TBC1D9: variants seen among roughly 807,000 people sequenced by gnomAD.
TBC1D9 encodes the protein TBC1 domain family member 9A.
Under a neutral mutation model 132.0 loss-of-function variants are expected in TBC1D9, and 63 were observed. That is an observed-to-expected ratio of 0.48 (90% CI 0.39 to 0.59). TBC1D9 has a LOEUF of 0.59. Among genes scored for constraint, TBC1D9 ranks in the 20% least tolerant of loss-of-function variants. The pLI is 0.00. For synonymous variants in TBC1D9, 610 were observed against 609.9 expected (o/e 1.00, Z 0.00); for missense variants, 1,261 against 1,592.7 (o/e 0.79, Z 3.54).
intron 1 of TBC1D9, among the ~76,000 whole-genome samples, chr4:140,729,431 C>A (rs578038142): frequency 1.3e-5 from 2 of 152,212 alleles, no homozygotes. Context: ...CAGCAAAGGG[C>A]CCCATGGAGG....
In TBC1D9 at chr4:140,628,481, G is replaced by A. The variant is rs908256955; in HGVS notation, c.2747-116C>T. ...CATTCCAACCAAGACATTGTGTGGT[G>A]AAAGGCCTGGCCAGGACCTGTTTGG... is the stretch of plus-strand genomic sequence containing the variant. On this transcript the variant is annotated intron_variant, in intron 16 of 20. Transcript: ENST00000442267. The A allele has an allele frequency of 1.6e-5, 15 of 948,326 alleles. No homozygotes were observed. In the Admixed American group the frequency reaches 2.0e-4, roughly 13 times the overall value. The allele number at this position is 948,326 out of a possible 1,614,324, so 58.7% of individuals were successfully genotyped here.
intron 15 of TBC1D9, among the ~76,000 whole-genome samples, chr4:140,635,248 C>T (rs113229855): frequency 0.05 from 7,516 of 151,736 alleles, 620 homozygotes; most frequent in African/African-American, 0.17. Flanking sequence ...GGAGGCCAGG[C>T]GAGAGGATCG....
intron 5 of TBC1D9, among the ~76,000 whole-genome samples, chr4:140,677,658 T>A (rs905274729): frequency 6.6e-6 from 1 of 152,210 alleles, no homozygotes; most frequent in Non-Finnish European, 1.5e-5. Flanking sequence ...TTGCTCATCA[T>A]GTCAGTTGTT....
intron 1 of TBC1D9, among the ~76,000 whole-genome samples, chr4:140,727,766 T>C (rs1738523004): frequency 6.6e-6 from 1 of 150,804 alleles, no homozygotes; most frequent in Non-Finnish European, 1.5e-5. Flanking sequence ...AACAAGTGAA[T>C]AAATGAATGA....
chr4:140,640,750 C>A (rs1736974731), intron 13 of TBC1D9, among the ~76,000 whole-genome samples: 2 of 151,984 alleles, frequency 1.3e-5, no homozygotes, highest in Non-Finnish European at 2.9e-5. Context: ...TATAGTGCAA[C>A]CAAAACTCTT....
At chr4:140,661,411 G>A (rs1450056763) in intron 10 of TBC1D9, among the ~76,000 whole-genome samples, 1 of 152,194 alleles carries the variant, frequency 6.6e-6, no homozygotes, top group East Asian at 1.9e-4. Context: ...TTAAGAGGAT[G>A]CAAAGTAGCA....
intron 2 of TBC1D9, among the ~76,000 whole-genome samples, chr4:140,696,418 C>A (rs1193439952): frequency 3.1e-5 from 4 of 128,092 alleles, no homozygotes; most frequent in Non-Finnish European, 6.3e-5. Flanking sequence ...GATTGTGCCA[C>A]TGCACTCCAG....
rs1048074771 is a variant in TBC1D9 at position 140,621,004 on chromosome 4, G to T, written c.*1191C>A. 6.6e-6 allele frequency: 1 copy of T among 152,564 alleles called. No individual in the cohort carries two copies. The highest frequency in any genetic ancestry group is 2.4e-5 in the African/African-American group (1 of 41,446). The allele number at this position is 152,564 out of a possible 1,614,324, so 9.5% of individuals were successfully genotyped here. Reference sequence around the variant, plus strand: ...ATGATTATGAATTCAACAATCAGAAGAAAAAATCGTCCAACATCTGTAAAA... The same window carrying T: ...ATGATTATGAATTCAACAATCAGAATAAAAAATCGTCCAACATCTGTAAAA... On this transcript the variant is annotated 3_prime_UTR_variant, in exon 21 of 21. Transcript: ENST00000442267.
intron 13 of TBC1D9, among the ~76,000 whole-genome samples, chr4:140,641,610 GGTGA>G (rs1560869848): frequency 2.6e-5 from 4 of 152,068 alleles, no homozygotes; most frequent in Admixed American, 2.0e-4. Context: ...GGGCAGAAAA[GGTGA>G]GTATGGGGGT....
chr4:140,686,443 G>A lies in TBC1D9; in HGVS notation c.261C>T (p.Ile87=). 1 of 1,608,190 alleles carries A rather than the reference G, an allele frequency of 6.2e-7. No individual in the cohort carries two copies. The highest frequency in any genetic ancestry group is 8.5e-7 in the Non-Finnish European group (1 of 1,175,958). ...TIACGGSRKE[I]TEHWEWLEQN... ...GCTCAAGCCATTCCCAGTGTTCAGT[G>A]ATTTCTTTCCTGGAACCACCTGTAC... is the stretch of plus-strand genomic sequence containing the variant. The change falls in exon 3 of 21, where the codon ATC becomes ATT. Residue 87 remains isoleucine (I), a synonymous_variant. Coordinates refer to ENST00000442267, the MANE Select transcript of TBC1D9 (RefSeq NM_015130.3).
chr4:140,659,758 C>T (rs1410638478), intron 10 of TBC1D9, 53 bp from the exon 11 acceptor site: 2 of 1,229,998 alleles, frequency 1.6e-6, no homozygotes, highest in Non-Finnish European at 2.3e-6. Flanking sequence ...ATAAGCAATT[C>T]TGTTAGCATA....
At chr4:140,666,161 T>A (rs1737440627) in intron 9 of TBC1D9, among the ~76,000 whole-genome samples, 2 of 152,160 alleles carry the variant, frequency 1.3e-5, no homozygotes, top group African/African-American at 4.8e-5. Flanking sequence ...TATGATATGG[T>A]GGAACCTTGA....
intron 13 of TBC1D9, chr4:140,642,849 T>C (rs746986637): frequency 2.1e-4 from 120 of 574,612 alleles, no homozygotes; most frequent in Non-Finnish European, 3.2e-4. Context: ...CTCGGGGGCG[T>C]GGGTCTGTTT....
intron 1 of TBC1D9, among the ~76,000 whole-genome samples, chr4:140,720,069 A>G (rs896752379): frequency 5.9e-5 from 9 of 152,222 alleles, no homozygotes; most frequent in Middle Eastern, 3.2e-3. Flanking sequence ...ACATGAACCA[A>G]TTTTGCACAG....
At chr4:140,649,932 A>G (rs1737162106) in intron 13 of TBC1D9, among the ~76,000 whole-genome samples, 1 of 152,188 alleles carries the variant, frequency 6.6e-6, no homozygotes, top group African/African-American at 2.4e-5. Context: ...CCCATATTTT[A>G]TATTTGAATA....
rs747392524 is a variant in TBC1D9, at chr4:140,640,359, A to C, written c.2338-931T>G. 6.4e-5 allele frequency among the ~76,000 whole-genome samples: 9 copies of C among 141,682 alleles called. No homozygotes were observed. The Admixed American group carries it at 7.1e-4, about 11-fold the overall frequency. 92.9% of individuals were successfully genotyped at this position (141,682 alleles called of 152,430 possible). A position where few individuals can be genotyped will look rare whatever the true frequency, so the allele number is the denominator to read the frequency against. Reference sequence around the variant, plus strand: ...GGGAAGAGGGAACAGTCAACTCTGCATTTGTCTGGCGCTCAGTAAATCTGC... The same window carrying C: ...GGGAAGAGGGAACAGTCAACTCTGCCTTTGTCTGGCGCTCAGTAAATCTGC... On this transcript the variant is annotated intron_variant, in intron 13 of 20. Transcript: ENST00000442267.
intron 1 of TBC1D9, among the ~76,000 whole-genome samples, chr4:140,741,958 C>A (rs1029710042): frequency 6.6e-6 from 1 of 152,126 alleles, no homozygotes; most frequent in South Asian, 2.1e-4. Context: ...GTTGTCCTAC[C>A]TTTCCAGACC....
chr4:140,644,996 G>A, intron 13 of TBC1D9: 1 of 464,986 alleles, frequency 2.2e-6, no homozygotes, highest in South Asian at 1.6e-5. Context: ...TGGACATGCT[G>A]CCCGAGCGGG....
intron 2 of TBC1D9, among the ~76,000 whole-genome samples, chr4:140,692,328 TTAAA>T (rs1308005755): frequency 6.6e-6 from 1 of 152,222 alleles, no homozygotes; most frequent in Non-Finnish European, 1.5e-5. Flanking sequence ...TTGAAGCTAA[TTAAA>T]TAAAGGGAAC....
Sources: gnomAD v4.1 joint callset for allele counts (sites outside exome capture counted in the v4.1 genomes callset) on GRCh38, gnomAD v4.1.1 for gene constraint, MANE v1.5 for transcripts, NCBI Gene and HGNC (gene_info 2026-07-23, HGNC 2026-07-21) for gene names.